Variants in DCK observed in about 807,000 individuals in gnomAD.
The protein encoded by DCK is deoxycytidine kinase.
In DCK, 23 loss-of-function variants were observed where a neutral mutation model predicts 38.3. The observed-to-expected ratio is 0.60, with a 90% CI of 0.43 to 0.85. The LOEUF (loss-of-function observed/expected upper bound fraction) is 0.85, where lower values mean the gene tolerates loss of function less well. Among genes scored for constraint, DCK ranks in the 40% least tolerant of loss-of-function variants. The pLI, the probability that DCK is intolerant of heterozygous loss-of-function variation, is 0.00. For synonymous variants in DCK, 108 were observed against 100.6 expected (o/e 1.07, Z -0.44); for missense variants, 259 against 304.4 (o/e 0.85, Z 1.11).
chr4:70,998,434 T>C (rs188023493), intron 2 of DCK, among the ~76,000 whole-genome samples: 86 of 152,176 alleles, frequency 5.7e-4, no homozygotes, highest in Non-Finnish European at 1.1e-3. Flanking sequence ...ATACAAATAA[T>C]AAAGGATTAC....
At chr4:70,996,600 CCTT>C (rs1311962325) in intron 1 of DCK, among the ~76,000 whole-genome samples, 2 of 152,170 alleles carry the variant, frequency 1.3e-5, no homozygotes, top group Admixed American at 1.3e-4. Flanking sequence ...GTTCATGTCT[CCTT>C]CACCTTATTT....
intron 2 of DCK, among the ~76,000 whole-genome samples, chr4:71,019,777 C>CT (rs1347783024): frequency 5.1e-5 from 3 of 59,152 alleles, no homozygotes; most frequent in Admixed American, 2.9e-4. Context: ...GTTGATATAC[C>CT]TTTTATTTTT....
intron 2 of DCK, among the ~76,000 whole-genome samples, chr4:71,004,541 T>C (rs1409804013): frequency 6.6e-6 from 1 of 152,212 alleles, no homozygotes; most frequent in Non-Finnish European, 1.5e-5. Flanking sequence ...TGTTTAAGTC[T>C]GCTGAGGCTG....
At chr4:71,023,500 T>A (rs1740476692) in intron 3 of DCK, 59 bp from the exon 4 acceptor site, 1 of 1,147,170 alleles carries the variant, frequency 8.7e-7, no homozygotes, top group East Asian at 2.6e-5. Context: ...GTTCTCTTTT[T>A]TATTTCTTTG....
chr4:70,998,361 C>G (rs72553924), intron 2 of DCK, among the ~76,000 whole-genome samples, 179 bp downstream of exon 2: 1 of 151,326 alleles, frequency 6.6e-6, no homozygotes, highest in East Asian at 1.9e-4. Flanking sequence ...CAATGGGTTT[C>G]AGATTGATAT....
intron 2 of DCK, among the ~76,000 whole-genome samples, chr4:71,015,206 A>G (rs1286627119): frequency 6.6e-6 from 1 of 152,234 alleles, no homozygotes; most frequent in Non-Finnish European, 1.5e-5. Flanking sequence ...ATTCCTGGAC[A>G]CATACACTGT....
intron 6 of DCK, 36 bp downstream of exon 6, chr4:71,026,791 T>G (rs1412834211): frequency 1.1e-5 from 12 of 1,139,820 alleles, no homozygotes; most frequent in Non-Finnish European, 1.6e-5. Context: ...ATATTTGTTT[T>G]TTCTAAAAAA....
At position 70,998,816 on chromosome 4, in the gene DCK, G is replaced by A. The variant is rs143789245; in HGVS notation, c.207+634G>A. On this transcript the variant is annotated intron_variant, in intron 2 of 6. Coordinates refer to ENST00000286648, the MANE Select transcript of DCK (RefSeq NM_000788.3). ...GTGGGCACCTGAATTCCACCTGCTT[G>A]TAAAGCCGAGGTAGGAGAATTTCTT... 2.4e-4 allele frequency among the ~76,000 whole-genome samples: 37 copies of A among 151,918 alleles called. 1 individual carries two copies. In the East Asian group the frequency reaches 6.6e-3, roughly 27 times the overall value.
chr4:71,024,133 G>A (rs1413331926), intron 4 of DCK, among the ~76,000 whole-genome samples: 1 of 152,122 alleles, frequency 6.6e-6, no homozygotes, highest in African/African-American at 2.4e-5. Context: ...TATAGTAGGA[G>A]CTCAGTAAAT....
chr4:71,019,357 AAGG>A lies in DCK; in HGVS notation c.208-3006_208-3004del, dbSNP rs987289886. Among the ~76,000 whole-genome samples the A allele has an allele frequency of 8.2e-4, 125 of 152,352 alleles. 2 individuals carry two copies. The highest frequency in any genetic ancestry group is 2.8e-3 in the African/African-American group (117 of 41,592). ...TATATTTATTGAGAAATTAAAATAA[AAGG>A]AGGTATGTGGTCTTTTTTAGTTAAT... On this transcript the variant is annotated intron_variant, in intron 2 of 6. Transcript: ENST00000286648.
chr4:71,023,425 C>CT (rs1181333981), intron 3 of DCK, 134 bp from the exon 4 acceptor site: 1 of 600,524 alleles, frequency 1.7e-6, no homozygotes, highest in Non-Finnish European at 2.8e-6. Flanking sequence ...TGGAAAGACT[C>CT]TTGTCTTTTT....
In DCK at chr4:71,026,649, C is replaced by T. The variant is rs1265144419; in HGVS notation, c.666-16C>T. On this transcript the variant is annotated splice_polypyrimidine_tract_variant and intron_variant, in intron 5 of 6. Coordinates refer to ENST00000286648, the MANE Select transcript of DCK (RefSeq NM_000788.3). ...TTGAATTTCTGATTATTTTATTAAT[C>T]TCTCTTTTTAAACAGAACCAACTTC... 3 of 1,201,988 alleles carry T rather than the reference C, an allele frequency of 2.5e-6. No individual in the cohort carries two copies. In the African/African-American group the frequency reaches 4.6e-5, roughly 18 times the overall value. 74.5% of individuals were successfully genotyped at this position (1,201,988 alleles called of 1,614,324 possible).
rs1740665441 is a variant in DCK at position 71,030,508 on chromosome 4, T to G, written c.*1130T>G. The G allele has an allele frequency of 6.6e-6, 1 of 152,198 alleles. No homozygotes were observed. Among genetic ancestry groups the G allele is most frequent in the Non-Finnish European group, 1.5e-5 (1 of 68,000 alleles). The allele number at this position is 152,198 out of a possible 1,614,324, so 9.4% of individuals were successfully genotyped here. A position where few individuals can be genotyped will look rare whatever the true frequency, so the allele number is the denominator to read the frequency against. On this transcript the variant is annotated 3_prime_UTR_variant, in exon 7 of 7. Transcript: ENST00000286648. ...AGTGGATTAACCAGTCCAGACGCACTGATCTTTGCAAAGGAGACTTAATTT... is the reference window on the plus strand; with the variant it reads ...AGTGGATTAACCAGTCCAGACGCACGGATCTTTGCAAAGGAGACTTAATTT...
chr4:71,021,140 A>G (rs1274952066), intron 2 of DCK, among the ~76,000 whole-genome samples: 1 of 147,072 alleles, frequency 6.8e-6, no homozygotes, highest in African/African-American at 2.5e-5. Flanking sequence ...CAGTGGCGCA[A>G]TCTCGGCTCA....
chr4:71,013,168 G>C (rs186753883), intron 2 of DCK, among the ~76,000 whole-genome samples: 1,804 of 152,278 alleles, frequency 0.012, 53 homozygotes, highest in African/African-American at 0.041. Context: ...AGTGATTGAA[G>C]ATCAAATGAA....
At chr4:71,020,292 A>G (rs1381379478) in intron 2 of DCK, among the ~76,000 whole-genome samples, 1 of 152,092 alleles carries the variant, frequency 6.6e-6, no homozygotes, top group Non-Finnish European at 1.5e-5. Flanking sequence ...ATTTACTTTC[A>G]ATTCTTTTTT....
chr4:71,008,594 C>G (rs1235583086), intron 2 of DCK, among the ~76,000 whole-genome samples: 1 of 152,168 alleles, frequency 6.6e-6, no homozygotes, highest in Non-Finnish European at 1.5e-5. Flanking sequence ...GGTCAGCTGT[C>G]AGTGCAGTTA....
At chr4:71,016,606 C>A (rs1469661921) in intron 2 of DCK, among the ~76,000 whole-genome samples, 8 of 151,990 alleles carry the variant, frequency 5.3e-5, no homozygotes, top group South Asian at 4.1e-4. Context: ...ATGGAACAGA[C>A]CAGAGCCCTC....
intron 1 of DCK, among the ~76,000 whole-genome samples, chr4:70,996,065 C>T (rs1217442731): frequency 6.6e-6 from 1 of 152,052 alleles, no homozygotes; most frequent in Non-Finnish European, 1.5e-5. Context: ...AAAATTAGGC[C>T]AGGCACAGTG....
Sources: gnomAD v4.1 joint callset for allele counts (sites outside exome capture counted in the v4.1 genomes callset) on GRCh38, gnomAD v4.1.1 for gene constraint, MANE v1.5 for transcripts, NCBI Gene and HGNC (gene_info 2026-07-23, HGNC 2026-07-21) for gene names.